Variants in KLB observed in about 807,000 individuals in gnomAD.
KLB encodes the protein beta-klotho.
KLB carries 44 observed loss-of-function variants against 88.4 expected under a neutral mutation model. The observed-to-expected ratio is 0.50, with a 90% confidence interval of 0.39 to 0.64. The LOEUF is 0.64. KLB is among the 30% of genes least tolerant of loss of function. The pLI, the probability that KLB is intolerant of heterozygous loss-of-function variation, is 0.00. For synonymous variants in KLB, 548 were observed against 513.4 expected (o/e 1.07, Z -0.91); for missense variants, 1,137 against 1,304.8 (o/e 0.87, Z 1.98).
intron 1 of KLB, among the ~76,000 whole-genome samples, chr4:39,419,480 C>G (rs187605036): frequency 6.6e-6 from 1 of 152,122 alleles, no homozygotes; most frequent in East Asian, 1.9e-4. Flanking sequence ...CATTCGAAAA[C>G]AGCCTATTTT....
chr4:39,441,803 T>G (rs146795653), intron 3 of KLB: 112 of 149,730 alleles, frequency 7.5e-4, no homozygotes, highest in African/African-American at 2.6e-3. Flanking sequence ...AATAAATAAA[T>G]AAATAAAGAT....
At chr4:39,427,818 C>G (rs914764385) in intron 1 of KLB, among the ~76,000 whole-genome samples, 1 of 152,108 alleles carries the variant, frequency 6.6e-6, no homozygotes, top group Non-Finnish European at 1.5e-5. Context: ...TTGACGTTCA[C>G]GAAAATTCTC....
intron 3 of KLB, among the ~76,000 whole-genome samples, chr4:39,443,469 G>A (rs61685977): frequency 0.063 from 9,508 of 151,970 alleles, 324 homozygotes; most frequent in African/African-American, 0.078. Flanking sequence ...TGCTGGCCAG[G>A]CTCGATGGCT....
intron 3 of KLB, among the ~76,000 whole-genome samples, chr4:39,439,449 C>CTGT (rs78945121): frequency 1.2e-4 from 16 of 133,092 alleles, no homozygotes; most frequent in East Asian, 4.2e-4. Flanking sequence ...TTTTTTGTTG[C>CTGT]TGTTGTTTTT....
chr4:39,445,449 A>ATGGGT (rs1743715730), intron 3 of KLB, among the ~76,000 whole-genome samples: 1 of 151,488 alleles, frequency 6.6e-6, no homozygotes, highest in Non-Finnish European at 1.5e-5. Flanking sequence ...TCACAGGCAC[A>ATGGGT]TGGGTCGGGG....
chr4:39,417,543 C>A (rs531665904), intron 1 of KLB, among the ~76,000 whole-genome samples: 118 of 152,228 alleles, frequency 7.8e-4, no homozygotes, highest in African/African-American at 2.8e-3. Flanking sequence ...GAACTCCTAA[C>A]CTCGGCCTCC....
At chr4:39,415,866 G>A (rs1742953816) in intron 1 of KLB, among the ~76,000 whole-genome samples, 1 of 152,060 alleles carries the variant, frequency 6.6e-6, no homozygotes, top group African/African-American at 2.4e-5. Flanking sequence ...CCTACTCTAG[G>A]TCAAGGCCTC....
In KLB at chr4:39,434,244, A is replaced by G. The variant is rs777191828; in HGVS notation, c.860A>G (p.His287Arg). The change falls in exon 2 of 5, where the codon CAT becomes CGT. Residue 287 changes from histidine (H) to arginine (R), a missense_variant. Coordinates refer to ENST00000257408, the MANE Select transcript of KLB (RefSeq NM_175737.4). ...AAAGTTTGGCATAACTACAACACAC[A>G]TTTCCGCCCACATCAGAAGGGTTGG... ...HSKVWHNYNTHFRPHQKGWLS... is the reference protein window; with the variant it reads ...HSKVWHNYNTRFRPHQKGWLS... 14 of 1,612,110 alleles carry G rather than the reference A, an allele frequency of 8.7e-6. No homozygotes were observed. Among genetic ancestry groups the G allele is most frequent in the Non-Finnish European group, 1.2e-5 (14 of 1,179,248 alleles).
intron 1 of KLB, among the ~76,000 whole-genome samples, chr4:39,417,340 G>T (rs779217021): frequency 6.6e-6 from 1 of 152,012 alleles, no homozygotes; most frequent in African/African-American, 2.4e-5. Context: ...TTGAGACGGA[G>T]TTTCGCTCTT....
At chr4:39,443,887 A>G (rs906415701) in intron 3 of KLB, among the ~76,000 whole-genome samples, 1 of 149,874 alleles carries the variant, frequency 6.7e-6, no homozygotes, top group African/African-American at 2.5e-5. Context: ...GGCCGGGCAC[A>G]GTGGCTCACC....
At chr4:39,422,478 A>AAGT (rs1310118936) in intron 1 of KLB, among the ~76,000 whole-genome samples, 1 of 152,276 alleles carries the variant, frequency 6.6e-6, no homozygotes, top group East Asian at 1.9e-4. Flanking sequence ...CCTCTCCTCT[A>AAGT]AGTGGGAATG....
At chr4:39,431,950 G>A (rs570370959) in intron 1 of KLB, among the ~76,000 whole-genome samples, 12 of 152,342 alleles carry the variant, frequency 7.9e-5, no homozygotes, top group African/African-American at 2.9e-4. Flanking sequence ...AGCAGGCTCT[G>A]TGTGCTAAAG....
chr4:39,430,246 G>A (rs1022659436), intron 1 of KLB, among the ~76,000 whole-genome samples: 3 of 152,122 alleles, frequency 2.0e-5, no homozygotes, highest in Non-Finnish European at 4.4e-5. Context: ...TTTCCAGTTT[G>A]CATAGAGAGG....
chr4:39,440,559 C>T (rs1743576765), intron 3 of KLB, among the ~76,000 whole-genome samples: 2 of 152,202 alleles, frequency 1.3e-5, no homozygotes, highest in African/African-American at 4.8e-5. Flanking sequence ...TGAATCTCAA[C>T]CCCTGTGGAT....
In KLB at chr4:39,447,230, A is replaced by T; in HGVS notation, c.2504A>T (p.Gln835Leu). The change falls in exon 4 of 5, where the codon CAG (glutamine) becomes CTG (leucine). Residue 835 changes from glutamine (Q) to leucine (L), a missense_variant. Gln to Leu is a moderately radical substitution (Grantham distance 113). Transcript: ENST00000257408. ...HFTTRFVMHE[Q>L]LAGSRYDSDR... ...ACCACTAGGTTCGTGATGCACGAGC[A>T]GCTGGCCGGCAGCCGCTACGACTCG... The T allele has an allele frequency of 6.2e-7, 1 of 1,614,088 alleles. No homozygotes were observed. Among genetic ancestry groups the T allele is most frequent in the Non-Finnish European group, 8.5e-7 (1 of 1,180,030 alleles).
intron 1 of KLB, among the ~76,000 whole-genome samples, chr4:39,432,312 T>C (rs1329687087): frequency 6.7e-6 from 1 of 150,164 alleles, no homozygotes; most frequent in African/African-American, 2.4e-5. Context: ...ACTCAAATAA[T>C]GGAGAAAATG....
Position 39,442,138 on chromosome 4 carries a change from G to A in KLB, c.1605+4143G>A, listed in dbSNP as rs985384739. 2.0e-5 allele frequency among the ~76,000 whole-genome samples: 3 copies of A among 152,020 alleles called. No homozygotes were observed. The East Asian group carries it at 5.8e-4, about 29-fold the overall frequency. ...TTCCATCTATAATTCCATCTACTCA[G>A]GAGGCTGAGGCAGGAGAATCGCTTG... On this transcript the variant is annotated intron_variant, in intron 3 of 4. Coordinates refer to ENST00000257408, the MANE Select transcript of KLB (RefSeq NM_175737.4).
chr4:39,419,852 G>A (rs1343194598), intron 1 of KLB, among the ~76,000 whole-genome samples: 1 of 148,048 alleles, frequency 6.8e-6, no homozygotes, highest in Non-Finnish European at 1.5e-5. Context: ...GCTAAAGCAG[G>A]AGAATCGCTT....
Position 39,450,320 on chromosome 4 carries a change from A to T in KLB, c.*1634A>T, listed in dbSNP as rs1037972534. The T allele has an allele frequency of 6.6e-6, 1 of 152,256 alleles. No individual in the cohort carries two copies. Among genetic ancestry groups the T allele is most frequent in the African/African-American group, 2.4e-5 (1 of 41,472 alleles). The allele number at this position is 152,256 out of a possible 1,614,324, so 9.4% of individuals were successfully genotyped here. On this transcript the variant is annotated 3_prime_UTR_variant, in exon 5 of 5. Transcript: ENST00000257408. ...TCACTCCAGCAATTTAGACCTTAAC[A>T]GTCACAAGAGACGTTCTTCTGTTAC...
Sources: gnomAD v4.1 joint callset for allele counts (sites outside exome capture counted in the v4.1 genomes callset) on GRCh38, gnomAD v4.1.1 for gene constraint, MANE v1.5 for transcripts, NCBI Gene and HGNC (gene_info 2026-07-23, HGNC 2026-07-21) for gene names.